Variants in SERPINI2 observed in about 807,000 individuals in gnomAD.
SERPINI2 encodes the protein serpin I2.
In SERPINI2, 48 loss-of-function variants were observed where a neutral mutation model predicts 47.3. The observed-to-expected ratio is 1.02, with a 90% confidence interval of 0.81 to 1.29. SERPINI2 has a LOEUF of 1.29. Ranked by LOEUF, SERPINI2 falls within the 50% of genes most tolerant of loss-of-function variation. The pLI is 0.00. For synonymous variants in SERPINI2, 135 were observed against 149.3 expected (o/e 0.90, Z 0.70); for missense variants, 448 against 456.9 (o/e 0.98, Z 0.18).
chr3:167,454,717 A>G (rs1749737730), intron 5 of SERPINI2, among the ~76,000 whole-genome samples: 2 of 152,214 alleles, frequency 1.3e-5, no homozygotes, highest in Non-Finnish European at 2.9e-5. Context: ...AATGAAACCT[A>G]CAGCAATAAA....
At chr3:167,444,783 A>G (rs1363855287) in intron 8 of SERPINI2, among the ~76,000 whole-genome samples, 1 of 152,216 alleles carries the variant, frequency 6.6e-6, no homozygotes, top group Non-Finnish European at 1.5e-5. Context: ...CTAGTTAAGC[A>G]TTATCACAAA....
chr3:167,472,917 C>T (rs1181275191), intron 1 of SERPINI2, among the ~76,000 whole-genome samples: 1 of 151,666 alleles, frequency 6.6e-6, no homozygotes, highest in East Asian at 1.9e-4. Flanking sequence ...ACTTATCCAT[C>T]AGTAAGTTAC....
At chr3:167,470,447 A>AAATCTGT (rs1281688831) in intron 2 of SERPINI2, among the ~76,000 whole-genome samples, 5 of 152,192 alleles carry the variant, frequency 3.3e-5, no homozygotes, top group African/African-American at 1.2e-4. Flanking sequence ...CCCAAATCAA[A>AAATCTGT]AATCTGTATT....
chr3:167,465,182 G>C (rs748144773), intron 5 of SERPINI2, 24 bp downstream of exon 5: 5 of 1,578,480 alleles, frequency 3.2e-6, no homozygotes, highest in East Asian at 2.2e-5. Flanking sequence ...GTAAGAACTC[G>C]TATAATAAAA....
At chr3:167,445,355 T>C (rs192298744) in intron 8 of SERPINI2, among the ~76,000 whole-genome samples, 2 of 152,338 alleles carry the variant, frequency 1.3e-5, no homozygotes, top group African/African-American at 4.8e-5. Flanking sequence ...TTCATATTTA[T>C]TAATTTATTC....
exon 2 of SERPINI2, chr3:167,471,774 A>C: frequency 6.2e-7 from 1 of 1,613,560 alleles, no homozygotes; most frequent in Non-Finnish European, 8.5e-7. Context: ...TGAGCTGAGC[A>C]TCTTGAGGCT....
At chr3:167,463,798 G>A (rs1401219822) in intron 5 of SERPINI2, among the ~76,000 whole-genome samples, 1 of 152,084 alleles carries the variant, frequency 6.6e-6, no homozygotes, top group Non-Finnish European at 1.5e-5. Flanking sequence ...TGGCACACTT[G>A]TTGGAAGTAA....
chr3:167,449,498 ATTTAT>A, intron 6 of SERPINI2, 96 bp from the exon 7 acceptor site: 1 of 585,828 alleles, frequency 1.7e-6, no homozygotes, highest in African/African-American at 1.9e-5. Flanking sequence ...TTATTTATTT[ATTTAT>A]TTATTTTTTG....
Position 167,451,432 on chromosome 3 carries a change from T to G in SERPINI2, c.964+1504A>C, listed in dbSNP as rs532273488. On this transcript the variant is annotated intron_variant, in intron 6 of 8. Coordinates refer to ENST00000264677, the Ensembl canonical transcript of SERPINI2. ...CTTCATAGTAGCCTTTAGTGAATGTTTATTGTACAAATGATAAGTAGAGAT... is the reference window on the plus strand; with the variant it reads ...CTTCATAGTAGCCTTTAGTGAATGTGTATTGTACAAATGATAAGTAGAGAT... Among the ~76,000 whole-genome samples the G allele has an allele frequency of 1.6e-4, 25 of 152,356 alleles. 1 individual carries two copies. The East Asian group carries it at 2.1e-3, about 13-fold the overall frequency.
At chr3:167,448,591 A>C (rs886401178) in intron 7 of SERPINI2, among the ~76,000 whole-genome samples, 10 of 151,992 alleles carry the variant, frequency 6.6e-5, no homozygotes, top group Non-Finnish European at 1.3e-4. Flanking sequence ...TGCGCGATCT[A>C]GGCTCACTAC....
intron 1 of SERPINI2, 184 bp from the exon 2 acceptor site, chr3:167,472,028 T>C (rs1750342312): frequency 2.0e-6 from 1 of 510,154 alleles, no homozygotes; most frequent in Non-Finnish European, 3.5e-6. Flanking sequence ...GTTAATGGTA[T>C]TTCTTACATA....
intron 5 of SERPINI2, among the ~76,000 whole-genome samples, chr3:167,455,593 CAA>C (rs11407272): frequency 1.6e-5 from 2 of 123,218 alleles, no homozygotes; most frequent in Admixed American, 8.7e-5. Flanking sequence ...ATACGAGTCT[CAA>C]AAAAAAAAAA....
chr3:167,466,495 C>G (rs1030699264), intron 3 of SERPINI2, among the ~76,000 whole-genome samples: 1 of 152,130 alleles, frequency 6.6e-6, no homozygotes, highest in Non-Finnish European at 1.5e-5. Context: ...TGGAGCATAG[C>G]TTATAACTTT....
chr3:167,468,729 A>G (rs1473237750), intron 2 of SERPINI2, among the ~76,000 whole-genome samples: 2 of 152,176 alleles, frequency 1.3e-5, no homozygotes, highest in Non-Finnish European at 2.9e-5. Flanking sequence ...TATTTGTACA[A>G]TGATTTCAGA....
intron 5 of SERPINI2, among the ~76,000 whole-genome samples, chr3:167,456,944 T>C (rs1238882004): frequency 6.6e-6 from 1 of 152,234 alleles, no homozygotes; most frequent in Non-Finnish European, 1.5e-5. Context: ...GTGTTATCAT[T>C]ACTGCATTTA....
In SERPINI2 at chr3:167,446,405, C is replaced by T. The variant is rs372390822; in HGVS notation, c.1128G>A (p.Lys376=). The T allele has an allele frequency of 7.2e-5, 115 of 1,606,060 alleles. No homozygotes were observed. The African/African-American group carries it at 1.3e-3, about 19-fold the overall frequency. The change falls in exon 8 of 9, where the codon AAG becomes AAA. Residue 376 remains lysine (K), a synonymous_variant. Transcript: ENST00000264677. ...CAAAAAAGGTACCTGTTGGATTATGCTTCATAATAAACAGAAATGGATGAT... is the reference window on the plus strand; with the variant it reads ...CAAAAAAGGTACCTGTTGGATTATGTTTCATAATAAACAGAAATGGATGAT...
chr3:167,459,415 A>G (rs189492130), intron 5 of SERPINI2, among the ~76,000 whole-genome samples: 3 of 152,244 alleles, frequency 2.0e-5, no homozygotes, highest in Non-Finnish European at 4.4e-5. Context: ...AGGATCTCAT[A>G]CTACATTTAG....
upstream of SERPINI2, among the ~76,000 whole-genome samples, chr3:167,474,398 C>T (rs1208365681): frequency 6.6e-6 from 1 of 151,638 alleles, no homozygotes; most frequent in Non-Finnish European, 1.5e-5. Flanking sequence ...TACCAATGCA[C>T]TTTGTCATAA....
chr3:167,450,791 G>T (rs945219303), intron 6 of SERPINI2, among the ~76,000 whole-genome samples: 7 of 152,080 alleles, frequency 4.6e-5, no homozygotes, highest in Non-Finnish European at 8.8e-5. Flanking sequence ...AGGTTAGGAA[G>T]GAGTGAAGAA....
Sources: gnomAD v4.1 joint callset for allele counts (sites outside exome capture counted in the v4.1 genomes callset) on GRCh38, gnomAD v4.1.1 for gene constraint, MANE v1.5 for transcripts, NCBI Gene and HGNC (gene_info 2026-07-23, HGNC 2026-07-21) for gene names.